SPTLC3: variants seen among roughly 807,000 people sequenced by gnomAD.
SPTLC3 encodes the protein serine palmitoyltransferase long chain base subunit 3, also known as serine palmitoyltransferase 3.
SPTLC3 carries 36 observed loss-of-function variants against 59.3 expected under a neutral mutation model. The ratio of observed to expected loss-of-function variants is 0.61; its 90% confidence interval spans 0.47 to 0.80. The LOEUF (loss-of-function observed/expected upper bound fraction) is 0.80. Among genes scored for constraint, SPTLC3 ranks in the 30% least tolerant of loss-of-function variants. The pLI, the probability that SPTLC3 is intolerant of heterozygous loss-of-function variation, is 0.00. For synonymous variants in SPTLC3, 257 were observed against 240.8 expected, an observed-to-expected ratio of 1.07 and a Z score of -0.62; for missense variants, 625 against 685.1, an observed-to-expected ratio of 0.91 and a Z score of 0.98.
chr20:13,014,878 G>A (rs554127012), intron 1 of SPTLC3, among the ~76,000 whole-genome samples: 38 of 152,050 alleles, frequency 2.5e-4, no homozygotes, highest in Non-Finnish European at 5.1e-4. Context: ...CCACACATGG[G>A]CTGAGCACAC....
At chr20:13,156,379 G>T (rs1433142243) in intron 10 of SPTLC3, among the ~76,000 whole-genome samples, 2 of 152,170 alleles carry the variant, frequency 1.3e-5, no homozygotes, top group African/African-American at 2.4e-5. Flanking sequence ...GTAACTTCAA[G>T]AATTCACACA....
chr20:13,125,072 CT>C (rs142181249), intron 8 of SPTLC3, among the ~76,000 whole-genome samples: 8,627 of 152,244 alleles, frequency 0.057, 779 homozygotes, highest in African/African-American at 0.19. Flanking sequence ...CTGCAGGACA[CT>C]TGGAGAGTCC....
chr20:13,116,395 C>T (rs1990551194), intron 7 of SPTLC3, among the ~76,000 whole-genome samples: 2 of 152,184 alleles, frequency 1.3e-5, no homozygotes, highest in South Asian at 2.1e-4. Context: ...CCTGTCAATG[C>T]AGTCAAAACT....
intron 9 of SPTLC3, among the ~76,000 whole-genome samples, chr20:13,131,123 G>A (rs976950619): frequency 9.9e-6 from 1 of 101,010 alleles, no homozygotes; most frequent in Admixed American, 1.0e-4. Flanking sequence ...AAACCACACC[G>A]ACTCCCCTGA....
At chr20:13,010,418 GA>G (rs1985178977) in intron 1 of SPTLC3, among the ~76,000 whole-genome samples, 1 of 152,172 alleles carries the variant, frequency 6.6e-6, no homozygotes, top group Non-Finnish European at 1.5e-5. Context: ...TCCTCTCAGT[GA>G]ATTACATTCG....
chr20:13,143,393 TACTA>T (rs2038431423), intron 9 of SPTLC3, among the ~76,000 whole-genome samples: 2 of 152,244 alleles, frequency 1.3e-5, no homozygotes, highest in Admixed American at 6.5e-5. Flanking sequence ...TCAGACACCC[TACTA>T]ACTGCTTAAT....
At chr20:13,085,577 A>T (rs1165216705) in intron 4 of SPTLC3, among the ~76,000 whole-genome samples, 1 of 152,220 alleles carries the variant, frequency 6.6e-6, no homozygotes, top group Non-Finnish European at 1.5e-5. Context: ...CTACGGTTAC[A>T]ATTTGGAAAA....
At chr20:13,131,538 A>G (rs1211725945) in intron 9 of SPTLC3, among the ~76,000 whole-genome samples, 1 of 152,174 alleles carries the variant, frequency 6.6e-6, no homozygotes, top group Non-Finnish European at 1.5e-5. Flanking sequence ...TACTTCTGCA[A>G]ATTTTCCAAT....
chr20:13,101,895 C>T (rs549181271), intron 6 of SPTLC3, among the ~76,000 whole-genome samples: 1 of 152,244 alleles, frequency 6.6e-6, no homozygotes, highest in South Asian at 2.1e-4. Context: ...CAGGCAACCT[C>T]GGTCCTCAAG....
rs546492713 is a variant in SPTLC3 at position 13,060,882 on chromosome 20, G to A, written c.304-11374G>A. Among the ~76,000 whole-genome samples the A allele has an allele frequency of 5.3e-5, 8 of 152,020 alleles. No homozygotes were observed. In the South Asian group the frequency reaches 1.7e-3, roughly 32 times the overall value. On this transcript the variant is annotated intron_variant, in intron 2 of 11. Transcript: ENST00000399002. ...TATCCAATTGTTGATGGACTGTTAG[G>A]TTGATTTCACATCTTTGCTGTTTTC...
chr20:13,091,906 T>A (rs1989235356), intron 5 of SPTLC3, among the ~76,000 whole-genome samples: 1 of 152,210 alleles, frequency 6.6e-6, no homozygotes, highest in Non-Finnish European at 1.5e-5. Context: ...ACCTACTATG[T>A]CCTCATATAA....
At chr20:13,089,523 C>T (rs1989133562) in intron 4 of SPTLC3, among the ~76,000 whole-genome samples, 2 of 152,094 alleles carry the variant, frequency 1.3e-5, no homozygotes, top group South Asian at 2.1e-4. Flanking sequence ...CAGTGGCTCA[C>T]GCCTGTAATC....
chr20:13,142,501 AG>A (rs2122890055), intron 9 of SPTLC3, among the ~76,000 whole-genome samples: 1 of 152,330 alleles, frequency 6.6e-6, no homozygotes, highest in Non-Finnish European at 1.5e-5. Flanking sequence ...GGGGAGGATT[AG>A]GCAGGTGGAT....
chr20:13,042,155 C>T (rs1170565969), intron 1 of SPTLC3, among the ~76,000 whole-genome samples: 2 of 152,234 alleles, frequency 1.3e-5, no homozygotes, highest in Non-Finnish European at 2.9e-5. Flanking sequence ...TTCTCTCTGG[C>T]TGAACTACCT....
In SPTLC3 at chr20:13,153,999, T is replaced by A; in HGVS notation, c.1280-4T>A. 6.2e-7 allele frequency: 1 copy of A among 1,613,334 alleles called. No homozygotes were observed. The highest frequency in any genetic ancestry group is 8.5e-7 in the Non-Finnish European group (1 of 1,179,618). ...TGATGGATTTCACGCCTGTCTCTTTTCAGGGCTGCAGAGAGTACAGCAACT... is the reference window on the plus strand; with the variant it reads ...TGATGGATTTCACGCCTGTCTCTTTACAGGGCTGCAGAGAGTACAGCAACT... On this transcript the variant is annotated splice_region_variant and splice_polypyrimidine_tract_variant and intron_variant, in intron 9 of 11. Transcript: ENST00000399002.
chr20:13,089,805 C>A (rs184859), intron 4 of SPTLC3, among the ~76,000 whole-genome samples: 89,488 of 125,798 alleles, frequency 0.71, 29,118 homozygotes, highest in African/African-American at 0.77. Flanking sequence ...AAAAAAAAAA[C>A]AAAACAATGT....
chr20:13,033,528 C>CAGA (rs1483150134), intron 1 of SPTLC3, among the ~76,000 whole-genome samples: 1 of 152,148 alleles, frequency 6.6e-6, no homozygotes. Flanking sequence ...CTATTCACTT[C>CAGA]ACGTTGCTCA....
At chr20:13,114,156 C>A (rs1310624615) in intron 7 of SPTLC3, among the ~76,000 whole-genome samples, 1 of 152,192 alleles carries the variant, frequency 6.6e-6, no homozygotes, top group Non-Finnish European at 1.5e-5. Context: ...ACCCATTTGA[C>A]CTTTACCATT....
intron 6 of SPTLC3, among the ~76,000 whole-genome samples, chr20:13,099,089 A>G (rs1989518018): frequency 6.6e-6 from 1 of 152,210 alleles, no homozygotes; most frequent in Non-Finnish European, 1.5e-5. Flanking sequence ...CAGGTTGCAG[A>G]TGGAATTCAG....
Sources: gnomAD v4.1 joint callset for allele counts (sites outside exome capture counted in the v4.1 genomes callset) on GRCh38, gnomAD v4.1.1 for gene constraint, MANE v1.5 for transcripts, NCBI Gene and HGNC (gene_info 2026-07-23, HGNC 2026-07-21) for gene names.